Variants in PCDHA4 observed in about 807,000 individuals in gnomAD.
PCDHA4 encodes the protein protocadherin alpha-4.
Under a neutral mutation model 61.4 loss-of-function variants are expected in PCDHA4, and 49 were observed. The ratio of observed to expected loss-of-function variants is 0.80; its 90% CI spans 0.63 to 1.01. PCDHA4 has a LOEUF of 1.01. PCDHA4 is among the 50% of genes least tolerant of loss of function. The pLI, the probability that PCDHA4 is intolerant of heterozygous loss-of-function variation, is 0.00. For synonymous variants in PCDHA4, 590 were observed against 550.3 expected (o/e 1.07, Z -1.01); for missense variants, 1,254 against 1,235.8 (o/e 1.01, Z -0.22).
At chr5:140,967,272 T>C in intron 1 of PCDHA4, 2 of 1,613,412 alleles carry the variant, frequency 1.2e-6, no homozygotes, top group Non-Finnish European at 1.7e-6. Flanking sequence ...CGCTTTCACA[T>C]AGAGAGTGCG....
chr5:140,837,715 C>T (rs894661038), intron 1 of PCDHA4, among the ~76,000 whole-genome samples: 4 of 151,402 alleles, frequency 2.6e-5, no homozygotes, highest in Admixed American at 1.3e-4. Context: ...ACTCCATCAC[C>T]CAGGCTGCTG....
chr5:141,005,701 CAAAAAAAAAAAAA>C (rs59860837), intron 3 of PCDHA4, among the ~76,000 whole-genome samples: 12 of 7,786 alleles, frequency 1.5e-3, no homozygotes, highest in Non-Finnish European at 2.7e-3. Context: ...AACTCCGTCT[CAAAAAAAAAAAAA>C]AAAAAAAAAA....
At position 140,807,666 on chromosome 5, in the gene PCDHA4, C is replaced by A; in HGVS notation, c.479C>A (p.Ala160Glu). 6.2e-7 allele frequency: 1 copy of A among 1,614,226 alleles called. No individual in the cohort carries two copies. Among genetic ancestry groups the A allele is most frequent in the Non-Finnish European group, 8.5e-7 (1 of 1,180,040 alleles). ...SRFPLEGASDADIGENALLTY... is the reference protein window; with the variant it reads ...SRFPLEGASDEDIGENALLTY... The stretch of plus-strand genomic sequence containing the variant: ...TTTCCACTAGAGGGCGCCTCGGATG[C>A]AGATATCGGGGAGAACGCCCTGCTC... Residue 160 changes from alanine (A) to glutamate (E), a missense_variant, in exon 1 of 4, where the codon GCA becomes GAA. By Grantham distance (107) the Ala-to-Glu change is moderately radical (BLOSUM62 -1). Transcript: ENST00000530339.
chr5:140,939,562 G>C (rs1584985766), intron 1 of PCDHA4, among the ~76,000 whole-genome samples: 1 of 152,158 alleles, frequency 6.6e-6, no homozygotes, highest in Middle Eastern at 3.4e-3. Flanking sequence ...TATTAGTTTG[G>C]TTAATCAAAA....
intron 1 of PCDHA4, among the ~76,000 whole-genome samples, chr5:140,837,376 A>G (rs1191040233): frequency 6.6e-6 from 1 of 151,912 alleles, no homozygotes; most frequent in Non-Finnish European, 1.5e-5. Context: ...AGTATTTTTT[A>G]TTTTGTTCCT....
At chr5:140,937,568 G>T (rs1342447969) in intron 1 of PCDHA4, among the ~76,000 whole-genome samples, 1 of 151,920 alleles carries the variant, frequency 6.6e-6, no homozygotes, top group East Asian at 1.9e-4. Context: ...AGTGAGCTGG[G>T]ATCGCGTCAC....
chr5:140,928,792 G>A (rs1190569981), intron 1 of PCDHA4: 2 of 1,614,048 alleles, frequency 1.2e-6, no homozygotes, highest in Non-Finnish European at 1.7e-6. Context: ...TAAGCAGAGG[G>A]TGGTGGTAGT....
chr5:140,826,206 T>A (rs1768846872), intron 1 of PCDHA4, among the ~76,000 whole-genome samples: 1 of 152,236 alleles, frequency 6.6e-6, no homozygotes, highest in Non-Finnish European at 1.5e-5. Flanking sequence ...GGTCACATTT[T>A]AAAAAATCAA....
chr5:140,829,392 CG>C (rs1770273562), intron 1 of PCDHA4: 1 of 1,614,042 alleles, frequency 6.2e-7, no homozygotes, highest in Non-Finnish European at 8.5e-7. Context: ...GGCTCGCCTT[CG>C]CTGTGGGCCA....
chr5:140,956,710 CAGA>C (rs1554222572), intron 1 of PCDHA4, among the ~76,000 whole-genome samples: 1 of 152,144 alleles, frequency 6.6e-6, no homozygotes, highest in Non-Finnish European at 1.5e-5. Flanking sequence ...GGAATAGCTT[CAGA>C]AGAATTGGTA....
chr5:140,815,634 T>C (rs1410900627), intron 1 of PCDHA4: 1 of 152,116 alleles, frequency 6.6e-6, no homozygotes, highest in East Asian at 1.9e-4. Context: ...AGTATTATAG[T>C]ATTCTGTTTT....
chr5:140,808,976 G>T lies in PCDHA4; in HGVS notation c.1789G>T (p.Val597Leu). ...CCACGTGGTGGCAAAGGTGCGCGCG[G>T]TGGATGCTGACTCGGGCTACAACGC... Reference protein sequence around the residue: ...VGHVVAKVRAVDADSGYNAWL... With the variant: ...VGHVVAKVRALDADSGYNAWL... The change falls in exon 1 of 4, where the codon GTG becomes TTG. Residue 597 changes from valine (V) to leucine (L), a missense_variant. Coordinates refer to ENST00000530339, the MANE Select transcript of PCDHA4 (RefSeq NM_018907.4). 6.2e-7 allele frequency: 1 copy of T among 1,613,688 alleles called. No homozygotes were observed. The highest frequency in any genetic ancestry group is 8.5e-7 in the Non-Finnish European group (1 of 1,179,750).
Position 140,973,027 on chromosome 5 carries a change from T to C in PCDHA4, c.2386-5922T>C, listed in dbSNP as rs373487044. On this transcript the variant is annotated intron_variant, in intron 1 of 3. Coordinates refer to ENST00000530339, the MANE Select transcript of PCDHA4 (RefSeq NM_018907.4). ...TCGTGGTGTTGTGATTGTTAATGAG[T>C]CACTTTGAGTACTCTAGTAGATTTG... Among the ~76,000 whole-genome samples the C allele has an allele frequency of 2.6e-5, 4 of 152,042 alleles. No individual in the cohort carries two copies. The East Asian group carries it at 5.8e-4, about 22-fold the overall frequency.
chr5:140,969,428 CAA>C lies in PCDHA4; in HGVS notation c.2386-9520_2386-9519del, dbSNP rs2096329692. The stretch of plus-strand genomic sequence containing the variant: ...GGCTTTATTGAGTCATTAACAGTGA[CAA>C]GAGTTATCTGGTAAACTGAGTATAT... On this transcript the variant is annotated intron_variant, in intron 1 of 3. Coordinates refer to ENST00000530339, the MANE Select transcript of PCDHA4 (RefSeq NM_018907.4). 8.4e-6 allele frequency: 13 copies of C among 1,555,028 alleles called. No homozygotes were observed. The East Asian group carries it at 1.4e-4, about 17-fold the overall frequency.
At position 140,807,148 on chromosome 5, in the gene PCDHA4, G is replaced by A. The variant is rs1554123753; in HGVS notation, c.-40G>A. On this transcript the variant is annotated 5_prime_UTR_variant, in exon 1 of 4. Coordinates refer to ENST00000530339, the MANE Select transcript of PCDHA4 (RefSeq NM_018907.4). ...ATTAAAAGATTTCCCTTGACTTTGA[G>A]AAACGATATTTAATCAGAACAAAAT... 1 of 1,578,228 alleles carries A rather than the reference G, an allele frequency of 6.3e-7. No homozygotes were observed. Among genetic ancestry groups the A allele is most frequent in the East Asian group, 2.2e-5 (1 of 44,606 alleles).
rs2150347815 is a variant in PCDHA4, at chr5:140,842,914, G to A, written c.2385+33342G>A. 19 of 1,594,548 alleles carry A rather than the reference G, an allele frequency of 1.2e-5. 2 individuals carry two copies. The highest frequency in any genetic ancestry group is 1.6e-5 in the Non-Finnish European group (19 of 1,165,450). On this transcript the variant is annotated intron_variant, in intron 1 of 3. Transcript: ENST00000530339. ...TGGACCACGAGGAGCTAGAGCTGCT[G>A]CAGTTCCAGGTGAGCGCGCGCGACG...
At chr5:140,868,100 AT>A (rs2050277597) in intron 1 of PCDHA4, 2 of 152,142 alleles carry the variant, frequency 1.3e-5, no homozygotes, top group South Asian at 4.1e-4. Context: ...TGATAATAAA[AT>A]TTATTTTATA....
intron 1 of PCDHA4, among the ~76,000 whole-genome samples, chr5:140,839,578 T>TG (rs1264891718): frequency 1.3e-5 from 2 of 151,912 alleles, no homozygotes; most frequent in Non-Finnish European, 2.9e-5. Context: ...TTTGTAGAGA[T>TG]GGGGTCTTAC....
intron 1 of PCDHA4, chr5:140,823,668 C>A (rs2150128127): frequency 6.2e-7 from 1 of 1,614,060 alleles, no homozygotes; most frequent in Non-Finnish European, 8.5e-7. Context: ...GCGAGATCAG[C>A]ACAACACGCT....
Sources: gnomAD v4.1 joint callset for allele counts (sites outside exome capture counted in the v4.1 genomes callset) on GRCh38, gnomAD v4.1.1 for gene constraint, MANE v1.5 for transcripts, NCBI Gene and HGNC (gene_info 2026-07-23, HGNC 2026-07-21) for gene names.